KCNA6: variants seen among roughly 807,000 people sequenced by gnomAD.
KCNA6 encodes the protein human brain potassium channel-2.
Under a neutral mutation model 29.5 loss-of-function variants are expected in KCNA6, and 17 were observed. The ratio of observed to expected loss-of-function variants is 0.58; its 90% CI spans 0.39 to 0.86. The LOEUF (loss-of-function observed/expected upper bound fraction) is 0.86. KCNA6 is among the 40% of genes least tolerant of loss of function. The pLI, the probability that KCNA6 is intolerant of heterozygous loss-of-function variation, is 0.00. For missense variants in KCNA6, 450 were observed against 703.4 expected, an observed-to-expected ratio of 0.64 and a Z score of 4.07; for synonymous variants, 296 against 304.7, an observed-to-expected ratio of 0.97 and a Z score of 0.30.
At position 4,810,022 on chromosome 12, in the gene KCNA6, G is replaced by C; in HGVS notation, c.-20G>C. 1 of 1,485,392 alleles carries C rather than the reference G, an allele frequency of 6.7e-7. No homozygotes were observed. Among genetic ancestry groups the C allele is most frequent in the Non-Finnish European group, 8.9e-7 (1 of 1,124,792 alleles). 92.0% of individuals were successfully genotyped at this position (1,485,392 alleles called of 1,614,324 possible). ...TCGTGGGCGCCGTCCTAGTGGCGGG[G>C]AGCGCACCTCCGAGGGGGCATGAGA... On this transcript the variant is annotated 5_prime_UTR_variant, in exon 1 of 1. Transcript: ENST00000280684. This position sits in a 1 kb window ranked among gnomAD's most constrained non-coding sequence, Gnocchi z 7.5.
downstream of KCNA6, among the ~76,000 whole-genome samples, chr12:4,816,765 G>T (rs1375608287): frequency 6.6e-6 from 1 of 152,136 alleles, no homozygotes; most frequent in Non-Finnish European, 1.5e-5. Context: ...AGAGGTCCCA[G>T]CAGTCTTTGG....
chr12:4,842,140 A>G, the KCNA6 span, among the ~76,000 whole-genome samples: 1 of 151,490 alleles, frequency 6.6e-6, no homozygotes, highest in Non-Finnish European at 1.5e-5. Context: ...CGCATATGTT[A>G]CTAGGAACTG....
the KCNA6 span, among the ~76,000 whole-genome samples, chr12:4,819,514 T>G: frequency 1.3e-5 from 2 of 152,326 alleles, no homozygotes; most frequent in East Asian, 3.9e-4. Flanking sequence ...TGTCCTTCTT[T>G]GAGGTGGAGG....
the KCNA6 span, among the ~76,000 whole-genome samples, chr12:4,831,501 G>C: frequency 6.6e-6 from 1 of 152,262 alleles, no homozygotes; most frequent in Non-Finnish European, 1.5e-5. Context: ...GTCTGGGCTA[G>C]CCTCTCTATG....
chr12:4,841,402 A>C, the KCNA6 span, among the ~76,000 whole-genome samples: 1 of 152,218 alleles, frequency 6.6e-6, no homozygotes, highest in Admixed American at 6.5e-5. Flanking sequence ...AAGTGAGAAG[A>C]AAATAGAGAC....
At chr12:4,838,433 T>C in the KCNA6 span, among the ~76,000 whole-genome samples, 2 of 152,180 alleles carry the variant, frequency 1.3e-5, no homozygotes, top group African/African-American at 2.4e-5. Flanking sequence ...GTTTACAGCG[T>C]GATACTGTTT....
At chr12:4,815,380 C>T (rs1946672513), downstream of KCNA6, among the ~76,000 whole-genome samples, 1 of 152,192 alleles carries the variant, frequency 6.6e-6, no homozygotes, top group Non-Finnish European at 1.5e-5. Context: ...GATGAGACTG[C>T]CATGGGCTCA....
At chr12:4,812,544 T>G (rs1332540439) in exon 1 of KCNA6, 1 of 167,122 alleles carries the variant, frequency 6.0e-6, no homozygotes, top group Admixed American at 6.5e-5. Context: ...GATACTGTTT[T>G]CTCAAAGGGG....
chr12:4,832,955 C>T, the KCNA6 span, among the ~76,000 whole-genome samples: 2 of 152,072 alleles, frequency 1.3e-5, no homozygotes, highest in South Asian at 2.1e-4. Context: ...GTTGAAAATA[C>T]GTCTTAAGTG....
the KCNA6 span, among the ~76,000 whole-genome samples, chr12:4,847,351 T>G: frequency 3.3e-4 from 51 of 152,338 alleles, no homozygotes; most frequent in African/African-American, 9.1e-4. Flanking sequence ...TTTAAAAAAC[T>G]ATTTCTTTAA....
the KCNA6 span, among the ~76,000 whole-genome samples, chr12:4,834,901 C>T: frequency 1.2e-4 from 18 of 152,048 alleles, no homozygotes; most frequent in South Asian, 4.1e-4. Context: ...GAGAATCATA[C>T]GGACAGAAAG....
In KCNA6 at chr12:4,811,883, C is replaced by T. The variant is rs1946635690; in HGVS notation, c.*252C>T. ...CCACCCAATCATGCCCAGCTTCTGT[C>T]ATATGAATGAGATATACATTTATGT... On this transcript the variant is annotated 3_prime_UTR_variant, in exon 1 of 1. Coordinates refer to ENST00000280684, the Ensembl canonical transcript of KCNA6. This position sits in a 1 kb window ranked among gnomAD's most constrained non-coding sequence, Gnocchi z 7.1. 3 of 518,760 alleles carry T rather than the reference C, an allele frequency of 5.8e-6. No homozygotes were observed. The South Asian group carries it at 8.8e-5, about 15-fold the overall frequency. The allele number at this position is 518,760 out of a possible 1,614,324, so 32.1% of individuals were successfully genotyped here.
downstream of KCNA6, among the ~76,000 whole-genome samples, chr12:4,817,065 A>C (rs2137583509): frequency 6.6e-6 from 1 of 152,364 alleles, no homozygotes; most frequent in East Asian, 1.9e-4. Context: ...CTTCCAGGAC[A>C]ATCTGGCTGG....
the KCNA6 span, among the ~76,000 whole-genome samples, chr12:4,830,226 A>G: frequency 1.3e-5 from 2 of 152,158 alleles, no homozygotes; most frequent in Non-Finnish European, 2.9e-5. Flanking sequence ...TGGAGCCTGG[A>G]CAGTCCACAT....
downstream of KCNA6, among the ~76,000 whole-genome samples, chr12:4,815,712 G>C (rs375664827): frequency 1.3e-5 from 2 of 152,106 alleles, no homozygotes; most frequent in East Asian, 3.9e-4. Flanking sequence ...TGTCTCTCTC[G>C]GGTACTGAAG....
the KCNA6 span, among the ~76,000 whole-genome samples, chr12:4,827,171 T>TCCCTC: frequency 1.9e-5 from 2 of 107,658 alleles, no homozygotes; most frequent in East Asian, 3.0e-4. Context: ...CTTCCCTCCT[T>TCCCTC]CTTTCCTTCC....
At chr12:4,818,619 G>A in the KCNA6 span, among the ~76,000 whole-genome samples, 3 of 152,178 alleles carry the variant, frequency 2.0e-5, no homozygotes, top group Admixed American at 1.3e-4. Flanking sequence ...GCTCAGAGGG[G>A]TTGTGATGTC....
At chr12:4,841,656 A>T in the KCNA6 span, among the ~76,000 whole-genome samples, 2 of 152,360 alleles carry the variant, frequency 1.3e-5, no homozygotes, top group African/African-American at 4.8e-5. Flanking sequence ...GCTTGCCGGC[A>T]TAGAAACTCA....
chr12:4,824,147 A>G, the KCNA6 span, among the ~76,000 whole-genome samples: 1 of 152,186 alleles, frequency 6.6e-6, no homozygotes, highest in South Asian at 2.1e-4. Flanking sequence ...GAATGGGTGG[A>G]ATTAGAGCAG....
Sources: allele counts gnomAD v4.1 joint callset (sites outside exome capture counted in the v4.1 genomes callset), GRCh38; gene constraint gnomAD v4.1.1; non-coding constraint Gnocchi (gnomAD v3.1); transcripts MANE v1.5; gene names NCBI Gene and HGNC (gene_info 2026-07-23, HGNC 2026-07-21).